Variants in CD33 observed in about 807,000 individuals in gnomAD.
CD33 encodes myeloid cell surface antigen CD33.
CD33 carries 25 observed loss-of-function variants against 31.4 expected under a neutral mutation model. That is an observed-to-expected ratio of 0.80 (90% CI 0.58 to 1.11). The LOEUF is 1.11. Among genes scored for constraint, CD33 ranks in the 50% most tolerant of loss-of-function variants. The probability of loss-of-function intolerance (pLI) is 0.00; values close to 1 mark genes in which losing one functional copy is unlikely to be tolerated. For missense variants in CD33, 407 were observed against 448.1 expected, an observed-to-expected ratio of 0.91 and a Z score of 0.83; for synonymous variants, 176 against 180.6, an observed-to-expected ratio of 0.97 and a Z score of 0.20.
At chr19:51,211,606 G>T in the CD33 span, 1 of 1,486,664 alleles carries the variant, frequency 6.7e-7, no homozygotes, top group Non-Finnish European at 9.0e-7. Flanking sequence ...ACAGGCTTCA[G>T]AAGCAGCCAC....
In CD33 at chr19:51,225,364, C is replaced by T. The variant is rs138300409; in HGVS notation, c.184C>T (p.Arg62Trp). 292 of 1,614,170 alleles carry T rather than the reference C, an allele frequency of 1.8e-4. No individual in the cohort carries two copies. The African/African-American group carries it at 3.4e-3, about 19-fold the overall frequency. The change falls in exon 2 of 7, where the codon CGG (arginine) becomes TGG (tryptophan). Residue 62 changes from arginine (R) to tryptophan (W), a missense_variant. Coordinates refer to ENST00000262262, the MANE Select transcript of CD33 (RefSeq NM_001772.4). ...KNSPVHGYWFREGAIISRDSP... is the reference protein window; with the variant it reads ...KNSPVHGYWFWEGAIISRDSP... ...CTCCCCAGTTCATGGTTACTGGTTC[C>T]GGGAAGGAGCCATTATATCCAGGGA...
upstream of CD33, among the ~76,000 whole-genome samples, chr19:51,224,263 G>A (rs1178756424): frequency 2.0e-5 from 3 of 152,116 alleles, no homozygotes; most frequent in Admixed American, 2.0e-4. Context: ...GCAGCTACAG[G>A]CATACCCACT....
the CD33 span, chr19:51,212,069 C>T: frequency 8.1e-6 from 6 of 744,418 alleles, no homozygotes; most frequent in Admixed American, 2.0e-5. Flanking sequence ...TCAGTGTCTC[C>T]TGTGAGTGCT....
At chr19:51,220,838 C>G (rs571270432), upstream of CD33, among the ~76,000 whole-genome samples, 7 of 152,208 alleles carry the variant, frequency 4.6e-5, no homozygotes, top group African/African-American at 1.7e-4. Flanking sequence ...AGTGGGCCAA[C>G]TCATGTAACG....
chr19:51,221,319 C>T (rs1333825966), upstream of CD33, among the ~76,000 whole-genome samples: 1 of 151,996 alleles, frequency 6.6e-6, no homozygotes, highest in African/African-American at 2.4e-5. Flanking sequence ...TATCAGCCAC[C>T]TCACCAGAAA....
the CD33 span, among the ~76,000 whole-genome samples, chr19:51,212,571 C>T: frequency 6.6e-6 from 1 of 152,044 alleles, no homozygotes; most frequent in Non-Finnish European, 1.5e-5. Context: ...CCCCTCAACC[C>T]CACAACAAGG....
the CD33 span, chr19:51,211,365 C>A: frequency 1.3e-6 from 2 of 1,554,430 alleles, no homozygotes; most frequent in South Asian, 2.3e-5. Flanking sequence ...GGGAAGGAGC[C>A]ATTGTATCCA....
chr19:51,227,413 C>T (rs1013558182), intron 4 of CD33, among the ~76,000 whole-genome samples: 2 of 152,104 alleles, frequency 1.3e-5, no homozygotes, highest in African/African-American at 4.8e-5. Flanking sequence ...TCATAGTCCT[C>T]CCAACTGGGG....
chr19:51,233,611 C>T (rs142780833), intron 4 of CD33, among the ~76,000 whole-genome samples: 1 of 152,356 alleles, frequency 6.6e-6, no homozygotes, highest in East Asian at 1.9e-4. Flanking sequence ...GTTGGGAGTG[C>T]ACACCAAATG....
intron 4 of CD33, among the ~76,000 whole-genome samples, chr19:51,231,463 T>C (rs1206352286): frequency 6.6e-6 from 1 of 152,270 alleles, no homozygotes; most frequent in East Asian, 1.9e-4. Flanking sequence ...TCCATATATT[T>C]TAAATGGGAC....
At chr19:51,224,995 C>T (rs1002951776), upstream of CD33, 2 of 1,236,796 alleles carry the variant, frequency 1.6e-6, no homozygotes, top group Admixed American at 4.0e-5. Context: ...TGAGGTTCCT[C>T]TTCCATGCAG....
intron 4 of CD33, among the ~76,000 whole-genome samples, chr19:51,230,386 T>C (rs1196365017): frequency 6.6e-6 from 1 of 152,240 alleles, no homozygotes; most frequent in African/African-American, 2.4e-5. Flanking sequence ...ATTTGGTATA[T>C]GGTGCAGTTT....
upstream of CD33, among the ~76,000 whole-genome samples, chr19:51,223,235 AAATGT>A (rs781150115): frequency 1.3e-5 from 2 of 152,118 alleles, no homozygotes; most frequent in African/African-American, 2.4e-5. Context: ...AAAAAGCACT[AAATGT>A]ATTGAATTTT....
rs1980983866 is a variant in CD33, at chr19:51,225,935, C to T, written c.551C>T (p.Pro184Leu). The T allele has an allele frequency of 6.2e-7, 1 of 1,614,076 alleles. No individual in the cohort carries two copies. The highest frequency in any genetic ancestry group is 8.5e-7 in the Non-Finnish European group (1 of 1,180,004). The change falls in exon 3 of 7, where the codon CCC becomes CTC. Residue 184 changes from proline (P) to leucine (L), a missense_variant. Physicochemically the swap from Pro to Leu is moderately conservative, Grantham distance 98. Transcript: ENST00000262262. ...PPIFSWLSAA[P>L]TSLGPRTTHS... ...ATCTTCTCCTGGTTGTCAGCTGCCC[C>T]CACCTCCCTGGGCCCCAGGACTACT...
the CD33 span, among the ~76,000 whole-genome samples, chr19:51,219,968 A>G: frequency 6.6e-6 from 1 of 152,224 alleles, no homozygotes; most frequent in Admixed American, 6.5e-5. Flanking sequence ...TTCATCAGGG[A>G]TATTGGACTG....
upstream of CD33, among the ~76,000 whole-genome samples, chr19:51,224,761 G>A (rs1264103675): frequency 6.6e-6 from 1 of 152,158 alleles, no homozygotes; most frequent in Non-Finnish European, 1.5e-5. Flanking sequence ...CAGCCCTGGT[G>A]TAAACAGTTG....
In CD33 at chr19:51,239,565, C is replaced by G. The variant is rs1441677450; in HGVS notation, c.972C>G (p.Ser324Arg). 1.9e-6 allele frequency: 3 copies of G among 1,612,604 alleles called. No homozygotes were observed. In the African/African-American group the frequency reaches 4.0e-5, roughly 22 times the overall value. The change falls in exon 7 of 7, where the codon AGC (serine) becomes AGG (arginine). Residue 324 changes from serine (S) to arginine (R), a missense_variant. Physicochemically the swap from Ser to Arg is moderately radical, Grantham distance 110. Coordinates refer to ENST00000262262, the MANE Select transcript of CD33 (RefSeq NM_001772.4). ...TACATGGCCCCACTGAAACCTCAAGCTGTTCAGGTGCCGCCCCTACTGTGG... is the reference window on the plus strand; with the variant it reads ...TACATGGCCCCACTGAAACCTCAAGGTGTTCAGGTGCCGCCCCTACTGTGG... ...SKLHGPTETS[S>R]CSGAAPTVEM...
the CD33 span, among the ~76,000 whole-genome samples, chr19:51,214,461 G>C: frequency 5.3e-5 from 8 of 152,118 alleles, no homozygotes; most frequent in Non-Finnish European, 1.2e-4. Flanking sequence ...CTCCCAAAGT[G>C]CTGGGATTAC....
At chr19:51,238,305 T>C (rs541496078) in intron 6 of CD33, 4 of 152,206 alleles carry the variant, frequency 2.6e-5, no homozygotes, top group African/African-American at 9.7e-5. Flanking sequence ...CATGTGGAGA[T>C]GACAAGTAGC....
Sources: gnomAD v4.1 joint callset for allele counts (sites outside exome capture counted in the v4.1 genomes callset) on GRCh38, gnomAD v4.1.1 for gene constraint, MANE v1.5 for transcripts, NCBI Gene and HGNC (gene_info 2026-07-23, HGNC 2026-07-21) for gene names.